Variants in GSG1L observed in about 807,000 individuals in gnomAD.
GSG1L encodes germ cell-specific gene 1-like protein.
A neutral mutation model predicts 42.1 loss-of-function variants in GSG1L; 24 were observed. The ratio of observed to expected loss-of-function variants is 0.57; its 90% CI spans 0.41 to 0.80. GSG1L has a LOEUF of 0.80. Among genes scored for constraint, GSG1L ranks in the 30% least tolerant of loss-of-function variants. The probability of loss-of-function intolerance (pLI) is 0.00; values close to 1 mark genes in which losing one functional copy is unlikely to be tolerated. For missense variants in GSG1L, 445 were observed against 472.2 expected (o/e 0.94, Z 0.53); for synonymous variants, 215 against 203.5 (o/e 1.06, Z -0.48).
intron 1 of GSG1L, among the ~76,000 whole-genome samples, chr16:28,025,326 TC>T (rs1296235472): frequency 1.3e-5 from 2 of 151,996 alleles, no homozygotes; most frequent in Non-Finnish European, 2.9e-5. Context: ...GCCTTAAATC[TC>T]CCCAGATGGC....
rs1407115655 is a variant in GSG1L, at chr16:27,790,297, A to G, written c.*1073T>C. ...GGATGGAAGGATAAAGGAGAAGAATATATTCTACGTGGGGAAAAGCTCTAG... is the reference window on the plus strand; with the variant it reads ...GGATGGAAGGATAAAGGAGAAGAATGTATTCTACGTGGGGAAAAGCTCTAG... On this transcript the variant is annotated 3_prime_UTR_variant, in exon 7 of 7. Coordinates refer to ENST00000447459, the MANE Select transcript of GSG1L (RefSeq NM_001109763.2). The G allele has an allele frequency of 6.6e-6, 1 of 152,172 alleles. No homozygotes were observed. Among genetic ancestry groups the G allele is most frequent in the Non-Finnish European group, 1.5e-5 (1 of 68,036 alleles). The allele number at this position is 152,172 out of a possible 1,614,324, so 9.4% of individuals were successfully genotyped here. A position where few individuals can be genotyped will look rare whatever the true frequency, so the allele number is the denominator to read the frequency against.
At chr16:27,979,709 AGG>A (rs2085299112) in intron 1 of GSG1L, among the ~76,000 whole-genome samples, 1 of 60,844 alleles carries the variant, frequency 1.6e-5, no homozygotes, top group African/African-American at 6.4e-5. Flanking sequence ...GAAGGAAGGA[AGG>A]AAGGAAGGAA....
intron 1 of GSG1L, among the ~76,000 whole-genome samples, chr16:27,974,878 T>C (rs2085233995): frequency 6.6e-6 from 1 of 151,994 alleles, no homozygotes. Flanking sequence ...AGGGGCTCAC[T>C]GAAGACCGAC....
chr16:27,946,656 A>AAAGAAAG (rs879647684), intron 2 of GSG1L, among the ~76,000 whole-genome samples: 551 of 27,288 alleles, frequency 0.02, 50 homozygotes, highest in East Asian at 0.052. Context: ...AGAAAGAAAG[A>AAAGAAAG]AAAGAAAGAA....
intron 2 of GSG1L, among the ~76,000 whole-genome samples, chr16:27,960,603 C>T (rs2085058811): frequency 6.6e-6 from 1 of 152,160 alleles, no homozygotes; most frequent in Admixed American, 6.5e-5. Flanking sequence ...TCTCTCTGCC[C>T]TCAGATTCCT....
chr16:28,009,811 A>G (rs1308363336), intron 1 of GSG1L, among the ~76,000 whole-genome samples: 4 of 152,208 alleles, frequency 2.6e-5, no homozygotes, highest in East Asian at 1.9e-4. Flanking sequence ...TAAAATGGGG[A>G]TTATGACTTA....
At chr16:28,041,697 G>A (rs2086107851) in intron 1 of GSG1L, among the ~76,000 whole-genome samples, 1 of 152,200 alleles carries the variant, frequency 6.6e-6, no homozygotes, top group South Asian at 2.1e-4. Flanking sequence ...CAAAAATAGA[G>A]CAGGTGGGTT....
chr16:27,986,564 A>T (rs2085386367), intron 1 of GSG1L, among the ~76,000 whole-genome samples: 1 of 151,620 alleles, frequency 6.6e-6, no homozygotes, highest in African/African-American at 2.4e-5. Flanking sequence ...CTATGGAAAC[A>T]CTTGCGACAA....
chr16:27,828,630 T>A (rs1309023393), intron 5 of GSG1L, among the ~76,000 whole-genome samples, 159 bp downstream of exon 5: 1 of 152,182 alleles, frequency 6.6e-6, no homozygotes, highest in Admixed American at 6.5e-5. Context: ...AATTCTGACA[T>A]AGTGGCGTCC....
chr16:27,823,147 C>T (rs1272931656), intron 5 of GSG1L, among the ~76,000 whole-genome samples: 1 of 152,158 alleles, frequency 6.6e-6, no homozygotes, highest in African/African-American at 2.4e-5. Context: ...CTGACCCTCC[C>T]CTTGGGAGGC....
chr16:27,925,454 C>A (rs1049607694), intron 2 of GSG1L, among the ~76,000 whole-genome samples: 3 of 152,098 alleles, frequency 2.0e-5, no homozygotes, highest in Non-Finnish European at 4.4e-5. Flanking sequence ...TGTTTAAATG[C>A]TGACTGAGAA....
intron 3 of GSG1L, among the ~76,000 whole-genome samples, chr16:27,873,525 A>T (rs767044162): frequency 2.5e-4 from 38 of 152,218 alleles, no homozygotes; most frequent in Non-Finnish European, 5.3e-4. Context: ...TGTATGATGA[A>T]GATGATAACA....
intron 2 of GSG1L, among the ~76,000 whole-genome samples, chr16:27,903,234 C>T (rs1238501035): frequency 1.3e-5 from 2 of 152,112 alleles, no homozygotes; most frequent in African/African-American, 4.8e-5. Flanking sequence ...CTACTTGATC[C>T]CCAGGCAGCA....
At chr16:27,978,477 G>A (rs1260242140) in intron 1 of GSG1L, among the ~76,000 whole-genome samples, 1 of 152,018 alleles carries the variant, frequency 6.6e-6, no homozygotes, top group Non-Finnish European at 1.5e-5. Flanking sequence ...CGGATCACGA[G>A]GTCAGGAGTT....
At chr16:27,913,245 G>C (rs1275384647) in intron 2 of GSG1L, among the ~76,000 whole-genome samples, 1 of 152,140 alleles carries the variant, frequency 6.6e-6, no homozygotes, top group Admixed American at 6.5e-5. Context: ...TAAGCAAAAA[G>C]ATACAGTGTA....
chr16:27,828,262 C>G (rs976031320), intron 5 of GSG1L, among the ~76,000 whole-genome samples: 1 of 152,152 alleles, frequency 6.6e-6, no homozygotes. Context: ...CCCATCCACC[C>G]GCTCACCTGT....
chr16:27,838,077 A>C (rs530098228), intron 4 of GSG1L, among the ~76,000 whole-genome samples: 69 of 152,118 alleles, frequency 4.5e-4, no homozygotes, highest in Non-Finnish European at 9.4e-4. Flanking sequence ...TCTTCTCAGA[A>C]TTGGAATCCT....
At chr16:27,965,558 C>T (rs1238243931) in intron 1 of GSG1L, among the ~76,000 whole-genome samples, 10 of 152,206 alleles carry the variant, frequency 6.6e-5, no homozygotes, top group African/African-American at 2.4e-4. Flanking sequence ...CTATTTCCCC[C>T]AGCAAGCTGC....
At chr16:27,944,503 T>A (rs896971625) in intron 2 of GSG1L, among the ~76,000 whole-genome samples, 4 of 151,592 alleles carry the variant, frequency 2.6e-5, no homozygotes, top group African/African-American at 9.7e-5. Flanking sequence ...GTACCCATAA[T>A]CCCAGCTACT....
Sources: allele counts gnomAD v4.1 joint callset (sites outside exome capture counted in the v4.1 genomes callset), GRCh38; gene constraint gnomAD v4.1.1; transcripts MANE v1.5; gene names NCBI Gene and HGNC (gene_info 2026-07-23, HGNC 2026-07-21).